The following ARHGAP6 variants were observed in gnomAD, a reference collection of about 807,000 sequenced individuals.
ARHGAP6 encodes Rho GTPase activating protein 6, also known as rho GTPase-activating protein 6.
A neutral mutation model predicts 55.7 loss-of-function variants in ARHGAP6; 16 were observed. That is an observed-to-expected ratio of 0.29 (90% CI 0.19 to 0.44). ARHGAP6 has a LOEUF of 0.44. Among genes scored for constraint, ARHGAP6 ranks in the 20% least tolerant of loss-of-function variants. The pLI is 1.00. For missense variants in ARHGAP6, 698 were observed against 808.9 expected, an observed-to-expected ratio of 0.86 and a Z score of 1.66; for synonymous variants, 382 against 360.9, an observed-to-expected ratio of 1.06 and a Z score of -0.66.
Position 11,354,266 on chromosome X carries a change from G to GCT in ARHGAP6, c.589-99561_589-99560dup, listed in dbSNP as rs1182351194. 9.5e-3 allele frequency among the ~76,000 whole-genome samples: 693 copies of GCT among 72,891 alleles called. 5 individuals carry two copies. Among genetic ancestry groups the GCT allele is most frequent in the Non-Finnish European group, 0.014 (542 of 38,586 alleles). The allele number at this position is 72,891 out of a possible 115,157, so 63.3% of individuals were successfully genotyped here. ...ATGTAGTACCTGGCACATGGAAAGA[G>GCT]CTCTCTCTCTCTCTCTCTCTCTCTC... On this transcript the variant is annotated intron_variant, in intron 1 of 12. Transcript: ENST00000337414.
chrX:11,211,314 T>C (rs929591384), intron 2 of ARHGAP6, among the ~76,000 whole-genome samples: 25 of 103,879 alleles, frequency 2.4e-4, no homozygotes, highest in East Asian at 1.2e-3. Context: ...CTCCGCCTCC[T>C]GGGTTCACGC....
intron 1 of ARHGAP6, among the ~76,000 whole-genome samples, chrX:11,479,413 C>G (rs2050434391): frequency 8.9e-6 from 1 of 112,045 alleles, no homozygotes; most frequent in Non-Finnish European, 1.9e-5. Context: ...GGTAGCATCC[C>G]TCTGATCAAC....
At chrX:11,542,056 T>C (rs923626216) in intron 1 of ARHGAP6, among the ~76,000 whole-genome samples, 1 of 110,475 alleles carries the variant, frequency 9.1e-6, no homozygotes, top group Non-Finnish European at 1.9e-5. Context: ...CAGCTGTAAA[T>C]AATGGTTAGG....
At chrX:11,286,046 A>G (rs1295823236) in intron 1 of ARHGAP6, among the ~76,000 whole-genome samples, 3 of 112,035 alleles carry the variant, frequency 2.7e-5, no homozygotes, top group Non-Finnish European at 5.6e-5. Flanking sequence ...AGAACCATTA[A>G]TTCTTACTGT....
At chrX:11,292,384 C>T (rs929190) in intron 1 of ARHGAP6, among the ~76,000 whole-genome samples, 2,757 of 111,598 alleles carry the variant, frequency 0.025, 31 homozygotes, top group Middle Eastern at 0.064. Context: ...GTAAAACACA[C>T]ATGAATTTAA....
At chrX:11,592,263 C>T (rs1161839432) in intron 1 of ARHGAP6, among the ~76,000 whole-genome samples, 2 of 112,109 alleles carry the variant, frequency 1.8e-5, no homozygotes, top group South Asian at 3.7e-4. Flanking sequence ...ACATACAACA[C>T]ACAACACCAA....
intron 2 of ARHGAP6, among the ~76,000 whole-genome samples, chrX:11,203,437 A>C (rs759307104): frequency 4.5e-5 from 5 of 111,581 alleles, no homozygotes; most frequent in African/African-American, 1.3e-4. Context: ...ACAATAATCA[A>C]TGCCGGCACA....
At chrX:11,526,016 T>C (rs1459267304) in intron 1 of ARHGAP6, among the ~76,000 whole-genome samples, 1 of 111,594 alleles carries the variant, frequency 9.0e-6, no homozygotes, top group East Asian at 2.8e-4. Flanking sequence ...GGTTCAAAAA[T>C]ATAAAATTCC....
rs370588801 is a variant in ARHGAP6, at chrX:11,501,924, C to G, written c.588+162317G>C. ...AAATCTACATACAAGTGGACCCACACAGTTCAAACTTGTGTTGTTGAAAGA... is the reference window on the plus strand; with the variant it reads ...AAATCTACATACAAGTGGACCCACAGAGTTCAAACTTGTGTTGTTGAAAGA... On this transcript the variant is annotated intron_variant, in intron 1 of 12. Coordinates refer to ENST00000337414, the MANE Select transcript of ARHGAP6 (RefSeq NM_013427.3). 3.1e-4 allele frequency among the ~76,000 whole-genome samples: 34 copies of G among 111,265 alleles called. No homozygotes were observed. The South Asian group carries it at 8.9e-3, about 29-fold the overall frequency.
At chrX:11,468,799 T>C (rs748569446) in intron 1 of ARHGAP6, among the ~76,000 whole-genome samples, 1 of 112,768 alleles carries the variant, frequency 8.9e-6, no homozygotes, top group African/African-American at 3.2e-5. Context: ...AATGTAGTTA[T>C]GTCAAGGTAC....
In ARHGAP6 at chrX:11,139,029, T is replaced by C; in HGVS notation, c.2759A>G (p.Gln920Arg). 1.7e-6 allele frequency: 2 copies of C among 1,208,385 alleles called. No homozygotes were observed. Among genetic ancestry groups the C allele is most frequent in the Non-Finnish European group, 2.2e-6 (2 of 894,349 alleles). ...GCTGCTCAGTTTTTTCTGCGTGACC[T>C]GCTGCTCTCGCTCGGCTGCTTGGCC... Reference protein sequence around the residue: ...QGGQAAEREQQVTQKKLSSAN... With the variant: ...QGGQAAEREQRVTQKKLSSAN... The change falls in exon 13 of 13, where the codon CAG (glutamine) becomes CGG (arginine). Residue 920 changes from glutamine (Q) to arginine (R), a missense_variant. Gln to Arg is a conservative substitution (Grantham distance 43). This residue lies in a region of ARHGAP6 where 212 missense variants were observed against 208.7 expected (regional missense o/e 1.02). Transcript: ENST00000337414.
rs1230077681 is a variant in ARHGAP6 at position 11,388,125 on chromosome X, A to C, written c.589-133418T>G. Among the ~76,000 whole-genome samples, 7 of 112,114 alleles carry C rather than the reference A, an allele frequency of 6.2e-5. No homozygotes were observed. The South Asian group carries it at 1.1e-3, about 18-fold the overall frequency. On this transcript the variant is annotated intron_variant, in intron 1 of 12. Transcript: ENST00000337414. ...CAAGTTCTAGATCCCTGAGGAATCA[A>C]CACACTGACTTCCACAATGGTTGAA...
chrX:11,569,771 C>G (rs1426484357), intron 1 of ARHGAP6, among the ~76,000 whole-genome samples: 1 of 111,766 alleles, frequency 8.9e-6, no homozygotes, highest in African/African-American at 3.3e-5. Context: ...CACTTCTTCG[C>G]TCAAATATTT....
chrX:11,203,838 T>G (rs770601322), intron 2 of ARHGAP6, among the ~76,000 whole-genome samples: 47 of 112,009 alleles, frequency 4.2e-4, no homozygotes, highest in Non-Finnish European at 7.1e-4. Context: ...ACTCAAGTCC[T>G]TCAGCCTACA....
intron 1 of ARHGAP6, among the ~76,000 whole-genome samples, chrX:11,581,706 C>T (rs928698681): frequency 9.0e-6 from 1 of 110,934 alleles, no homozygotes. Flanking sequence ...GTGAAATGTC[C>T]GGAATAGGCA....
At chrX:11,370,836 T>C (rs73184347) in intron 1 of ARHGAP6, among the ~76,000 whole-genome samples, 6,071 of 110,777 alleles carry the variant, frequency 0.055, 232 homozygotes, top group East Asian at 0.18. Context: ...CATGATTCCA[T>C]CTTGAGTTAA....
intron 1 of ARHGAP6, among the ~76,000 whole-genome samples, chrX:11,511,240 A>G (rs908645737): frequency 2.7e-5 from 3 of 112,322 alleles, no homozygotes; most frequent in Non-Finnish European, 5.6e-5. Flanking sequence ...TAAATTGATT[A>G]TATTTCCTGT....
chrX:11,640,048 G>A (rs991606502), intron 1 of ARHGAP6, among the ~76,000 whole-genome samples: 1 of 111,635 alleles, frequency 9.0e-6, no homozygotes, highest in Admixed American at 9.5e-5. Flanking sequence ...GTTAATAGAG[G>A]AATGAATCCT....
chrX:11,369,727 G>A (rs954619818), intron 1 of ARHGAP6, among the ~76,000 whole-genome samples: 2 of 112,160 alleles, frequency 1.8e-5, no homozygotes, highest in African/African-American at 3.2e-5. Context: ...CATCATCACA[G>A]TTATCAAGTG....
Sources: allele counts gnomAD v4.1 joint callset (sites outside exome capture counted in the v4.1 genomes callset), GRCh38; gene constraint gnomAD v4.1.1; regional missense constraint gnomAD v4.1.1; transcripts MANE v1.5; gene names NCBI Gene and HGNC (gene_info 2026-07-23, HGNC 2026-07-21).